The following ARID1B variants were observed in gnomAD, a reference collection of about 807,000 sequenced individuals.
ARID1B encodes the protein AT-rich interactive domain-containing protein 1B.
Under a neutral mutation model 212.3 loss-of-function variants are expected in ARID1B, and 30 were observed. The ratio of observed to expected loss-of-function variants is 0.14; its 90% CI spans 0.11 to 0.19. The LOEUF (loss-of-function observed/expected upper bound fraction) is 0.19, where lower values mean the gene tolerates loss of function less well. Among genes scored for constraint, ARID1B ranks in the 10% least tolerant of loss-of-function variants. The pLI, the probability that ARID1B is intolerant of heterozygous loss-of-function variation, is 1.00. For synonymous variants in ARID1B, 1,402 were observed against 1,301.7 expected (o/e 1.08, Z -1.66); for missense variants, 2,891 against 3,204.0 (o/e 0.90, Z 2.36).
At chr6:157,062,691 A>AATAT (rs796199000) in intron 4 of ARID1B, among the ~76,000 whole-genome samples, 35 of 142,740 alleles carry the variant, frequency 2.5e-4, no homozygotes, top group African/African-American at 5.2e-4. Context: ...TATGTTTTAA[A>AATAT]ATATATATAT....
chr6:157,180,128 C>T (rs138719007), intron 11 of ARID1B, among the ~76,000 whole-genome samples: 2,041 of 152,080 alleles, frequency 0.013, 51 homozygotes, highest in African/African-American at 0.047. Flanking sequence ...GGAAGAGATA[C>T]AGTTGGCCCG....
intron 4 of ARID1B, among the ~76,000 whole-genome samples, chr6:157,063,491 AT>A (rs1052323223): frequency 6.6e-6 from 1 of 151,464 alleles, no homozygotes. Flanking sequence ...CCTCTGTTAG[AT>A]TTTTTTTTAG....
At chr6:156,783,111 C>T (rs1325318521) in intron 1 of ARID1B, among the ~76,000 whole-genome samples, 2 of 151,846 alleles carry the variant, frequency 1.3e-5, no homozygotes, top group East Asian at 3.9e-4. Context: ...GGAACCTTAA[C>T]CCCTCTTTGC....
chr6:157,013,584 T>C (rs1779736113), intron 4 of ARID1B, among the ~76,000 whole-genome samples: 1 of 152,252 alleles, frequency 6.6e-6, no homozygotes, highest in South Asian at 2.1e-4. Flanking sequence ...GAGCCAAGTA[T>C]TTCAGTGTGT....
intron 4 of ARID1B, among the ~76,000 whole-genome samples, chr6:156,950,488 A>G (rs1162935933): frequency 6.6e-6 from 1 of 152,244 alleles, no homozygotes; most frequent in Non-Finnish European, 1.5e-5. Flanking sequence ...AGAAAGGGAC[A>G]TGCCTAAATA....
At chr6:157,055,977 A>G (rs970593158) in intron 4 of ARID1B, among the ~76,000 whole-genome samples, 2 of 152,078 alleles carry the variant, frequency 1.3e-5, no homozygotes, top group African/African-American at 4.8e-5. Context: ...AATCTCTCCC[A>G]CCTCTTTTAA....
chr6:157,033,410 A>T (rs1467647925), intron 4 of ARID1B, among the ~76,000 whole-genome samples: 1 of 152,218 alleles, frequency 6.6e-6, no homozygotes, highest in Non-Finnish European at 1.5e-5. Flanking sequence ...AAATTGCAGC[A>T]TAGTTTTGGC....
intron 4 of ARID1B, among the ~76,000 whole-genome samples, chr6:157,081,580 C>T (rs947703907): frequency 3.3e-5 from 5 of 152,128 alleles, no homozygotes; most frequent in African/African-American, 4.8e-5. Context: ...CACATGAACA[C>T]GAAGAAAGCC....
At chr6:157,058,887 AT>A (rs1309129569) in intron 4 of ARID1B, among the ~76,000 whole-genome samples, 12 of 152,030 alleles carry the variant, frequency 7.9e-5, no homozygotes, top group Non-Finnish European at 7.4e-5. Flanking sequence ...ATTGAAGGAG[AT>A]TTGACTTAGC....
rs374326263 is a variant in ARID1B, at chr6:156,819,481, TAGTC to T, written c.1792-9743_1792-9740del. Among the ~76,000 whole-genome samples the T allele has an allele frequency of 8.6e-3, 1,309 of 152,340 alleles. 25 individuals carry two copies. The highest frequency in any genetic ancestry group is 0.03 in the African/African-American group (1,236 of 41,582). ...CTAAATTAAATTGAAAAGTGTAGCT[TAGTC>T]AGACAGTAATTTACTCATTGAATTG... On this transcript the variant is annotated intron_variant, in intron 1 of 19. Coordinates refer to ENST00000636930, the MANE Select transcript of ARID1B (RefSeq NM_001374828.1).
intron 2 of ARID1B, among the ~76,000 whole-genome samples, chr6:156,851,286 A>G (rs1054097697): frequency 3.9e-5 from 6 of 152,234 alleles, no homozygotes; most frequent in Admixed American, 3.9e-4. Flanking sequence ...CTCCAAGACC[A>G]TTCAGTCGTG....
At chr6:156,893,145 T>C (rs1448909951) in intron 2 of ARID1B, among the ~76,000 whole-genome samples, 1 of 150,026 alleles carries the variant, frequency 6.7e-6, no homozygotes, top group Non-Finnish European at 1.5e-5. Flanking sequence ...TGGGTTCATG[T>C]GATTCTCCTG....
In ARID1B at chr6:157,167,203, G is replaced by T. The variant is rs754510027; in HGVS notation, c.3235+18G>T. On this transcript the variant is annotated intron_variant, in intron 9 of 19. Coordinates refer to ENST00000636930, the MANE Select transcript of ARID1B (RefSeq NM_001374828.1). ...CTCGGCAGGTAACCTTGGCAGCTCTGCGCTCCTGAGCCCCTCTCTCTCCCC... is the reference window on the plus strand; with the variant it reads ...CTCGGCAGGTAACCTTGGCAGCTCTTCGCTCCTGAGCCCCTCTCTCTCCCC... The T allele has an allele frequency of 5.0e-6, 8 of 1,599,772 alleles. No individual in the cohort carries two copies. The highest frequency in any genetic ancestry group is 6.8e-6 in the Non-Finnish European group (8 of 1,178,118).
At chr6:156,923,856 C>T (rs943938127) in intron 3 of ARID1B, among the ~76,000 whole-genome samples, 7 of 151,854 alleles carry the variant, frequency 4.6e-5, no homozygotes, top group East Asian at 3.9e-4. Flanking sequence ...TACAGGTGTG[C>T]GCCACCATGC....
intron 2 of ARID1B, among the ~76,000 whole-genome samples, chr6:156,853,466 G>T (rs1266578158): frequency 3.2e-4 from 48 of 152,168 alleles, no homozygotes; most frequent in Admixed American, 3.1e-3. Context: ...GGGTCACCCT[G>T]TAGGAGCAGT....
chr6:157,060,610 T>C (rs1181895037), intron 4 of ARID1B, among the ~76,000 whole-genome samples: 3 of 149,584 alleles, frequency 2.0e-5, no homozygotes, highest in Non-Finnish European at 4.4e-5. Flanking sequence ...CATTTTAATA[T>C]ATGTGAAGCA....
intron 1 of ARID1B, among the ~76,000 whole-genome samples, chr6:156,809,958 T>A (rs902074319): frequency 2.0e-5 from 3 of 152,080 alleles, no homozygotes; most frequent in African/African-American, 7.2e-5. Context: ...ATTTAAGCAA[T>A]CATCTGGGAA....
intron 7 of ARID1B, among the ~76,000 whole-genome samples, chr6:157,137,391 A>G (rs896889315): frequency 7.2e-5 from 11 of 152,210 alleles, no homozygotes; most frequent in African/African-American, 2.7e-4. Context: ...GTTTGCAAGG[A>G]AAGAGGACTG....
At chr6:156,871,806 C>A (rs1056949570) in intron 2 of ARID1B, among the ~76,000 whole-genome samples, 17 of 152,188 alleles carry the variant, frequency 1.1e-4, no homozygotes, top group Admixed American at 8.5e-4. Flanking sequence ...AGGTGCATGT[C>A]CTGCTTGATG....
Sources: gnomAD v4.1 joint callset for allele counts (sites outside exome capture counted in the v4.1 genomes callset) on GRCh38, gnomAD v4.1.1 for gene constraint, MANE v1.5 for transcripts, NCBI Gene and HGNC (gene_info 2026-07-23, HGNC 2026-07-21) for gene names.